TRDN: variants seen among roughly 807,000 people sequenced by gnomAD.
TRDN encodes the protein triadin in skeletal muscle.
In TRDN, 161 loss-of-function variants were observed where a neutral mutation model predicts 149.7. The observed-to-expected ratio is 1.08, with a 90% confidence interval of 0.95 to 1.23. TRDN has a LOEUF of 1.23. Among genes scored for constraint, TRDN ranks in the 50% most tolerant of loss-of-function variants. TRDN has a pLI of 0.00. For missense variants in TRDN, 896 were observed against 823.5 expected (o/e 1.09, Z -1.08); for synonymous variants, 294 against 250.5 (o/e 1.17, Z -1.64).
chr6:123,532,471 A>G lies in TRDN; in HGVS notation c.425-1906T>C, dbSNP rs192566785. On this transcript the variant is annotated intron_variant, in intron 4 of 40. Coordinates refer to ENST00000334268, the MANE Select transcript of TRDN (RefSeq NM_006073.4). ...CTCTGATTTCTTTGGAAAGCCTTAA[A>G]AACAGGCCTGAGATTGCCCAGGGCA... Among the ~76,000 whole-genome samples, 295 of 152,100 alleles carry G rather than the reference A, an allele frequency of 1.9e-3. 3 individuals carry two copies. Among genetic ancestry groups the G allele is most frequent in the African/African-American group, 6.7e-3 (280 of 41,532 alleles).
At chr6:123,575,702 A>G (rs1645155024) in intron 1 of TRDN, among the ~76,000 whole-genome samples, 1 of 152,096 alleles carries the variant, frequency 6.6e-6, no homozygotes, top group Non-Finnish European at 1.5e-5. Context: ...TTTCCTATAG[A>G]GTAAAAGGAG....
intron 1 of TRDN, among the ~76,000 whole-genome samples, chr6:123,621,704 A>G (rs1448614384): frequency 6.6e-6 from 1 of 152,174 alleles, no homozygotes; most frequent in African/African-American, 2.4e-5. Context: ...TATATAAAGA[A>G]CAAACTTAGC....
chr6:123,293,657 A>G (rs1221182739), intron 24 of TRDN, among the ~76,000 whole-genome samples: 1 of 152,146 alleles, frequency 6.6e-6, no homozygotes, highest in African/African-American at 2.4e-5. Flanking sequence ...GAAGCAAAGG[A>G]TAAACATCAC....
intron 24 of TRDN, among the ~76,000 whole-genome samples, chr6:123,284,132 C>A (rs1222956472): frequency 7.3e-6 from 1 of 137,630 alleles, no homozygotes; most frequent in Non-Finnish European, 1.6e-5. Flanking sequence ...TTCGACAAGA[C>A]AGAGAAAGAA....
At chr6:123,332,051 A>G in intron 22 of TRDN, 122 bp from the exon 23 acceptor site, 2 of 675,472 alleles carry the variant, frequency 3.0e-6, no homozygotes, top group Non-Finnish European at 4.8e-6. Context: ...TTTATAATGC[A>G]CTTTAAAAAT....
chr6:123,469,301 T>G (rs1468080048), intron 9 of TRDN, among the ~76,000 whole-genome samples: 1 of 152,216 alleles, frequency 6.6e-6, no homozygotes, highest in Non-Finnish European at 1.5e-5. Context: ...TTGACCTTCA[T>G]GCTTCCTTAC....
At chr6:123,636,337 TTAAG>T (rs897586291) in intron 1 of TRDN, among the ~76,000 whole-genome samples, 1 of 151,928 alleles carries the variant, frequency 6.6e-6, no homozygotes, top group Non-Finnish European at 1.5e-5. Context: ...CTTTTTAAGT[TTAAG>T]TAAGCATTAG....
chr6:123,621,482 T>TA (rs1352886232), intron 1 of TRDN, among the ~76,000 whole-genome samples: 5 of 151,870 alleles, frequency 3.3e-5, no homozygotes, highest in South Asian at 2.1e-4. Flanking sequence ...ATATTAAAAC[T>TA]AAAAAAAGAA....
In TRDN at chr6:123,393,604, TA is replaced by T. The variant is rs1263519241; in HGVS notation, c.1105+19del. On this transcript the variant is annotated intron_variant, in intron 13 of 40. Coordinates refer to ENST00000334268, the MANE Select transcript of TRDN (RefSeq NM_006073.4). ...ATGTTTAAAAAAAGGCAATGCTTTTTAAAGTGTTTTATTGCTTACCTTGTGC... is the reference window on the plus strand; with the variant it reads ...ATGTTTAAAAAAAGGCAATGCTTTTTAAGTGTTTTATTGCTTACCTTGTGC... 4.4e-6 allele frequency: 7 copies of T among 1,585,670 alleles called. No individual in the cohort carries two copies. Among genetic ancestry groups the T allele is most frequent in the Non-Finnish European group, 6.0e-6 (7 of 1,164,932 alleles).
intron 40 of TRDN, among the ~76,000 whole-genome samples, chr6:123,219,054 C>CAT (rs1262861196): frequency 6.6e-6 from 1 of 151,812 alleles, no homozygotes; most frequent in Non-Finnish European, 1.5e-5. Flanking sequence ...AAGTTCTGAT[C>CAT]ATATAGACAT....
At position 123,501,202 on chromosome 6, in the gene TRDN, A is replaced by G. The variant is rs999873089; in HGVS notation, c.793+2517T>C. On this transcript the variant is annotated intron_variant, in intron 8 of 40. Transcript: ENST00000334268. The stretch of plus-strand genomic sequence containing the variant: ...GAGAGTAACTACATTGAATATATTC[A>G]TATGTATACTATGTAATTAAATAAT... Among the ~76,000 whole-genome samples, 5 of 152,252 alleles carry G rather than the reference A, an allele frequency of 3.3e-5. No homozygotes were observed. In the East Asian group the frequency reaches 9.6e-4, roughly 29 times the overall value.
chr6:123,316,416 A>G, intron 24 of TRDN, 41 bp downstream of exon 24: 1 of 1,583,466 alleles, frequency 6.3e-7, no homozygotes, highest in Non-Finnish European at 8.7e-7. Flanking sequence ...CCAACCAAAC[A>G]GAACATCTCC....
At chr6:123,262,299 T>C (rs1776799101) in intron 33 of TRDN, among the ~76,000 whole-genome samples, 1 of 152,068 alleles carries the variant, frequency 6.6e-6, no homozygotes, top group Non-Finnish European at 1.5e-5. Flanking sequence ...CTCCATACTG[T>C]GTTTATTCAA....
chr6:123,462,810 A>T (rs1377111634), intron 10 of TRDN: 2 of 152,246 alleles, frequency 1.3e-5, no homozygotes, highest in East Asian at 3.9e-4. Context: ...TTAATACTAA[A>T]TATGTCCTAG....
chr6:123,280,099 A>T (rs954019758), intron 24 of TRDN, among the ~76,000 whole-genome samples: 2 of 152,176 alleles, frequency 1.3e-5, no homozygotes, highest in Non-Finnish European at 2.9e-5. Context: ...TGCAGCAATG[A>T]GTTGCCTAGC....
At position 123,520,000 on chromosome 6, in the gene TRDN, A is replaced by G. The variant is rs116340918; in HGVS notation, c.485-3794T>C. 2.9e-3 allele frequency among the ~76,000 whole-genome samples: 446 copies of G among 152,244 alleles called. 3 individuals carry two copies. Among genetic ancestry groups the G allele is most frequent in the African/African-American group, 9.8e-3 (408 of 41,570 alleles). ...AATGTTTTATGAAAGAGCATGATAC[A>G]CATTCATTTTAAACCCTTAAAAAAA... On this transcript the variant is annotated intron_variant, in intron 5 of 40. Coordinates refer to ENST00000334268, the MANE Select transcript of TRDN (RefSeq NM_006073.4).
Position 123,517,881 on chromosome 6 carries a change from A to G in TRDN, c.485-1675T>C, listed in dbSNP as rs529464405. ...TATATTTCAGCAATTCAATAATAAT[A>G]TTGATATTGTTAATATCTCTACTCA... On this transcript the variant is annotated intron_variant, in intron 5 of 40. Coordinates refer to ENST00000334268, the MANE Select transcript of TRDN (RefSeq NM_006073.4). 9.9e-5 allele frequency among the ~76,000 whole-genome samples: 15 copies of G among 152,276 alleles called. 1 individual carries two copies. The highest frequency in any genetic ancestry group is 3.6e-4 in the African/African-American group (15 of 41,568).
chr6:123,361,044 T>C (rs1780880303), intron 20 of TRDN, among the ~76,000 whole-genome samples: 1 of 152,160 alleles, frequency 6.6e-6, no homozygotes, highest in Admixed American at 6.5e-5. Flanking sequence ...TAAACATACG[T>C]GTGCATGTGT....
intron 25 of TRDN, 24 bp from the exon 26 acceptor site, chr6:123,278,371 TA>T: frequency 8.1e-7 from 1 of 1,229,020 alleles, no homozygotes; most frequent in Non-Finnish European, 1.1e-6. Flanking sequence ...TGAACATTAG[TA>T]ACAATGATTA....
Sources: allele counts gnomAD v4.1 joint callset (sites outside exome capture counted in the v4.1 genomes callset), GRCh38; gene constraint gnomAD v4.1.1; transcripts MANE v1.5; gene names NCBI Gene and HGNC (gene_info 2026-07-23, HGNC 2026-07-21).